IGF2BP2: variants seen among roughly 807,000 people sequenced by gnomAD.
IGF2BP2 encodes insulin like growth factor 2 mRNA binding protein 2.
A neutral mutation model predicts 75.8 loss-of-function variants in IGF2BP2; 17 were observed. The observed-to-expected ratio is 0.22, with a 90% CI of 0.15 to 0.34. The LOEUF is 0.34. IGF2BP2 is among the 10% of genes least tolerant of loss of function. The pLI is 1.00. For missense variants in IGF2BP2, 516 were observed against 772.4 expected (o/e 0.67, Z 3.93); for synonymous variants, 288 against 295.6 (o/e 0.97, Z 0.26).
Position 185,645,767 on chromosome 3 carries a change from A to G in IGF2BP2, c.1708-144T>C. 1.6e-6 allele frequency: 1 copy of G among 625,026 alleles called. No homozygotes were observed. Among genetic ancestry groups the G allele is most frequent in the South Asian group, 2.0e-5 (1 of 50,292 alleles). 38.7% of individuals were successfully genotyped at this position (625,026 alleles called of 1,614,324 possible). On this transcript the variant is annotated intron_variant, in intron 15 of 15. Coordinates refer to ENST00000382199, the MANE Select transcript of IGF2BP2 (RefSeq NM_006548.6). This position sits in a 1 kb window ranked among gnomAD's most constrained non-coding sequence, Gnocchi z 4.9. Reference sequence around the variant, plus strand: ...CATCATCTACCCACCCCCGCACGTTACTCCAGGCCCTTTTCTGCCTGGAAG... The same window carrying G: ...CATCATCTACCCACCCCCGCACGTTGCTCCAGGCCCTTTTCTGCCTGGAAG...
chr3:185,823,259 C>A (rs1741591861), intron 1 of IGF2BP2, 46 bp from the exon 2 acceptor site: 5 of 1,485,678 alleles, frequency 3.4e-6, no homozygotes, highest in Middle Eastern at 1.7e-4. Flanking sequence ...TTAGATCAAG[C>A]CCGCGGGGGT....
At chr3:185,780,125 T>C (rs371556075) in intron 2 of IGF2BP2, among the ~76,000 whole-genome samples, 1 of 152,142 alleles carries the variant, frequency 6.6e-6, no homozygotes. Context: ...AGTATGACAG[T>C]TGTTTAAAGT....
rs188098386 is a variant in IGF2BP2, at chr3:185,778,063, T to C, written c.239+45090A>G. 8.5e-4 allele frequency among the ~76,000 whole-genome samples: 130 copies of C among 152,266 alleles called. 1 individual carries two copies. The highest frequency in any genetic ancestry group is 6.8e-3 in the Middle Eastern group (2 of 294). On this transcript the variant is annotated intron_variant, in intron 2 of 15. Coordinates refer to ENST00000382199, the MANE Select transcript of IGF2BP2 (RefSeq NM_006548.6). The stretch of plus-strand genomic sequence containing the variant: ...TGTGGAGGCTCGCTGAGCATTGTTG[T>C]GCTGTATCACTTACTGTCATGCATT...
chr3:185,718,415 C>T (rs1408104595), intron 2 of IGF2BP2, among the ~76,000 whole-genome samples: 3 of 152,056 alleles, frequency 2.0e-5, no homozygotes, highest in Admixed American at 1.3e-4. Flanking sequence ...GGCTCGGGGG[C>T]GGTGGCTCGC....
intron 2 of IGF2BP2, among the ~76,000 whole-genome samples, chr3:185,699,527 C>T (rs1723016192): frequency 6.6e-6 from 1 of 152,204 alleles, no homozygotes; most frequent in African/African-American, 2.4e-5. Flanking sequence ...TGTGAAAAGT[C>T]TCACCACCCC....
chr3:185,684,356 CA>C (rs1720810475), intron 7 of IGF2BP2, among the ~76,000 whole-genome samples: 2 of 152,182 alleles, frequency 1.3e-5, no homozygotes, highest in Non-Finnish European at 2.9e-5. Context: ...CCTTCAGTTA[CA>C]TGTCATCATT....
At chr3:185,700,947 A>C (rs1379792232) in intron 2 of IGF2BP2, among the ~76,000 whole-genome samples, 1 of 152,220 alleles carries the variant, frequency 6.6e-6, no homozygotes, top group African/African-American at 2.4e-5. Flanking sequence ...AGGTAATTAC[A>C]GATTAAATTG....
intron 2 of IGF2BP2, among the ~76,000 whole-genome samples, chr3:185,745,101 T>C (rs1370512405): frequency 6.6e-6 from 1 of 152,178 alleles, no homozygotes; most frequent in Admixed American, 6.5e-5. Context: ...CTTGGAGGCC[T>C]CATTCCCCTC....
intron 2 of IGF2BP2, among the ~76,000 whole-genome samples, chr3:185,804,674 C>A (rs1435026961): frequency 6.6e-6 from 1 of 152,012 alleles, no homozygotes; most frequent in Non-Finnish European, 1.5e-5. Context: ...TAGCTTGAAT[C>A]AATGAGGCCT....
chr3:185,687,430 T>C (rs889588695), intron 6 of IGF2BP2, among the ~76,000 whole-genome samples: 1 of 152,230 alleles, frequency 6.6e-6, no homozygotes, highest in African/African-American at 2.4e-5. Context: ...AGGAGTGCTG[T>C]AGGACAAAGG....
chr3:185,723,294 T>C (rs1202628988), intron 2 of IGF2BP2, among the ~76,000 whole-genome samples: 1 of 152,186 alleles, frequency 6.6e-6, no homozygotes, highest in African/African-American at 2.4e-5. Context: ...ATATTTCCAA[T>C]ACTTAGAACT....
chr3:185,726,273 C>T (rs956005467), intron 2 of IGF2BP2, among the ~76,000 whole-genome samples: 4 of 152,118 alleles, frequency 2.6e-5, no homozygotes, highest in South Asian at 2.1e-4. Context: ...GAGGAATGGA[C>T]CCACGGTCAG....
intron 13 of IGF2BP2, among the ~76,000 whole-genome samples, chr3:185,649,954 G>A (rs528906091): frequency 6.6e-6 from 1 of 152,348 alleles, no homozygotes; most frequent in South Asian, 2.1e-4. Context: ...AGTAAGGATG[G>A]AGGTGATGGT....
chr3:185,677,221 T>C (rs138620145), intron 7 of IGF2BP2, among the ~76,000 whole-genome samples: 2 of 151,296 alleles, frequency 1.3e-5, no homozygotes, highest in South Asian at 2.1e-4. Context: ...GGCTCCTCCT[T>C]TGGGACAGAA....
At chr3:185,717,335 A>C (rs1725802727) in intron 2 of IGF2BP2, 3 of 160,976 alleles carry the variant, frequency 1.9e-5, no homozygotes, top group Admixed American at 1.7e-4. Flanking sequence ...CAGTGCTGAG[A>C]GTTCTTCAGT....
chr3:185,658,716 ACATACACC>A (rs1264268676), intron 10 of IGF2BP2, among the ~76,000 whole-genome samples: 1 of 152,116 alleles, frequency 6.6e-6, no homozygotes, highest in Admixed American at 6.5e-5. Flanking sequence ...ACACATACAC[ACATACACC>A]CACTGGCACT....
chr3:185,684,446 C>T (rs1342422345), intron 7 of IGF2BP2, among the ~76,000 whole-genome samples: 1 of 151,970 alleles, frequency 6.6e-6, no homozygotes, highest in African/African-American at 2.4e-5. Context: ...GCTCTGTCGC[C>T]CAGGCTGGAG....
intron 2 of IGF2BP2, among the ~76,000 whole-genome samples, chr3:185,794,680 C>T (rs954353114): frequency 6.7e-6 from 1 of 149,938 alleles, no homozygotes; most frequent in Non-Finnish European, 1.5e-5. Flanking sequence ...ATAAAATTTA[C>T]TATTTTAACA....
intron 2 of IGF2BP2, among the ~76,000 whole-genome samples, chr3:185,751,024 C>T (rs942086664): frequency 6.6e-6 from 1 of 152,032 alleles, no homozygotes; most frequent in African/African-American, 2.4e-5. Flanking sequence ...TGAGAACAGC[C>T]TGGCCAACAT....
Sources: gnomAD v4.1 joint callset for allele counts (sites outside exome capture counted in the v4.1 genomes callset) on GRCh38, gnomAD v4.1.1 for gene constraint, Gnocchi (gnomAD v3.1) non-coding constraint, MANE v1.5 for transcripts, NCBI Gene and HGNC (gene_info 2026-07-23, HGNC 2026-07-21) for gene names.